Variants in LRRFIP2 observed in about 807,000 individuals in gnomAD.
LRRFIP2 encodes leucine-rich repeat flightless-interacting protein 2.
Under a neutral mutation model 125.9 loss-of-function variants are expected in LRRFIP2, and 109 were observed. The ratio of observed to expected loss-of-function variants is 0.87; its 90% CI spans 0.74 to 1.01. The LOEUF (loss-of-function observed/expected upper bound fraction) is 1.01. LRRFIP2 is among the 50% of genes least tolerant of loss of function. The pLI is 0.00. For missense variants in LRRFIP2, 850 were observed against 862.3 expected, an observed-to-expected ratio of 0.99 and a Z score of 0.18; for synonymous variants, 291 against 293.1, an observed-to-expected ratio of 0.99 and a Z score of 0.07.
Position 37,107,819 on chromosome 3 carries a change from T to G in LRRFIP2, c.714+254A>C, listed in dbSNP as rs569874768. On this transcript the variant is annotated intron_variant, in intron 13 of 27. Transcript: ENST00000336686. ...ACAAGAAGTTCTACACAAATGAAAA[T>G]TAAATATAAAAACTTTAAAAATTCT... Among the ~76,000 whole-genome samples, 3 of 152,194 alleles carry G rather than the reference T, an allele frequency of 2.0e-5. No homozygotes were observed. The South Asian group carries it at 6.2e-4, about 32-fold the overall frequency.
chr3:37,072,284 T>A (rs2091331938), intron 21 of LRRFIP2, among the ~76,000 whole-genome samples: 1 of 152,040 alleles, frequency 6.6e-6, no homozygotes, highest in South Asian at 2.1e-4. Flanking sequence ...GTGGATTACC[T>A]GAGGTCAGGA....
chr3:37,073,806 T>C (rs978106678), intron 20 of LRRFIP2, among the ~76,000 whole-genome samples: 3 of 143,198 alleles, frequency 2.1e-5, no homozygotes, highest in Non-Finnish European at 4.8e-5. Context: ...ACTTAAGCTA[T>C]TGAATTTGAG....
intron 2 of LRRFIP2, among the ~76,000 whole-genome samples, chr3:37,131,988 AC>A (rs765240394): frequency 1.3e-5 from 2 of 152,156 alleles, no homozygotes; most frequent in Non-Finnish European, 2.9e-5. Context: ...TAATCTACCA[AC>A]CGTAAGCTGT....
rs1023729778 is a variant in LRRFIP2, at chr3:37,154,136, A to C, written c.-55-5098T>G. Among the ~76,000 whole-genome samples the C allele has an allele frequency of 5.3e-5, 8 of 152,204 alleles. No homozygotes were observed. The South Asian group carries it at 1.7e-3, about 32-fold the overall frequency. On this transcript the variant is annotated intron_variant, in intron 1 of 27. Coordinates refer to ENST00000336686, the MANE Select transcript of LRRFIP2 (RefSeq NM_006309.4). ...GGTTACGGTGAGCCGTGATAATACCACTGCACTCCAGCCTGGGTGACAGAG... is the reference window on the plus strand; with the variant it reads ...GGTTACGGTGAGCCGTGATAATACCCCTGCACTCCAGCCTGGGTGACAGAG...
At chr3:37,138,995 A>AT (rs1196438163) in intron 2 of LRRFIP2, among the ~76,000 whole-genome samples, 1 of 152,232 alleles carries the variant, frequency 6.6e-6, no homozygotes, top group Non-Finnish European at 1.5e-5. Flanking sequence ...ATGTGATACC[A>AT]TGACAGTCAA....
chr3:37,072,211 T>C (rs1181526974), intron 21 of LRRFIP2, among the ~76,000 whole-genome samples: 1 of 152,104 alleles, frequency 6.6e-6, no homozygotes, highest in Non-Finnish European at 1.5e-5. Context: ...GATAAGAATC[T>C]GAAGGGAGGC....
chr3:37,144,678 G>C (rs1262529472), intron 2 of LRRFIP2, among the ~76,000 whole-genome samples: 1 of 152,170 alleles, frequency 6.6e-6, no homozygotes, highest in Non-Finnish European at 1.5e-5. Context: ...TCACAGTGTT[G>C]ATGGTGCTAA....
At chr3:37,129,269 T>C in intron 2 of LRRFIP2, 120 bp from the exon 3 acceptor site, 2 of 743,414 alleles carry the variant, frequency 2.7e-6, no homozygotes. Flanking sequence ...GAAGATATTA[T>C]CTATCAGCAA....
intron 15 of LRRFIP2, among the ~76,000 whole-genome samples, chr3:37,100,421 T>C (rs2093973811): frequency 7.1e-6 from 1 of 141,454 alleles, no homozygotes; most frequent in Non-Finnish European, 1.6e-5. Context: ...TACATATACA[T>C]ACATATATGT....
chr3:37,060,057 C>T lies in LRRFIP2; in HGVS notation c.1750-1147G>A, dbSNP rs1423038136. 6.6e-6 allele frequency among the ~76,000 whole-genome samples: 1 copy of T among 152,150 alleles called. No individual in the cohort carries two copies. The highest frequency in any genetic ancestry group is 1.5e-5 in the Non-Finnish European group (1 of 68,028). On this transcript the variant is annotated intron_variant, in intron 24 of 27. Coordinates refer to ENST00000336686, the MANE Select transcript of LRRFIP2 (RefSeq NM_006309.4). The surrounding 1 kb of genome is among the most constrained non-coding windows in gnomAD (Gnocchi z 4.1). ...CTCCATCATTCCTATTTATGTGCATCTCACAAAGGGTCATATCCTTCCTCT... is the reference window on the plus strand; with the variant it reads ...CTCCATCATTCCTATTTATGTGCATTTCACAAAGGGTCATATCCTTCCTCT...
chr3:37,129,240 G>T, intron 2 of LRRFIP2, 91 bp from the exon 3 acceptor site: 1 of 1,046,942 alleles, frequency 9.6e-7, no homozygotes, highest in Non-Finnish European at 1.5e-6. Flanking sequence ...ACATTACCAC[G>T]CAAAAGGGGT....
intron 15 of LRRFIP2, among the ~76,000 whole-genome samples, chr3:37,098,257 A>G (rs942830743): frequency 5.9e-5 from 9 of 151,890 alleles, no homozygotes; most frequent in African/African-American, 2.2e-4. Context: ...GTTTCAAAGC[A>G]GGTAATGACA....
chr3:37,055,035 T>G, intron 26 of LRRFIP2, 51 bp downstream of exon 26: 1 of 1,226,808 alleles, frequency 8.2e-7, no homozygotes, highest in Non-Finnish European at 1.2e-6. Flanking sequence ...GTTAGCCACT[T>G]AGATGCAGGA....
intron 21 of LRRFIP2, among the ~76,000 whole-genome samples, chr3:37,071,013 A>T (rs1219184085): frequency 6.6e-6 from 1 of 152,186 alleles, no homozygotes; most frequent in Admixed American, 6.5e-5. Flanking sequence ...CCCAAGCAAA[A>T]ATTTAAATCA....
intron 27 of LRRFIP2, among the ~76,000 whole-genome samples, 162 bp downstream of exon 27, chr3:37,054,249 T>C (rs1380530809): frequency 6.6e-6 from 1 of 152,164 alleles, no homozygotes; most frequent in Non-Finnish European, 1.5e-5. Context: ...AACATAAAAG[T>C]AAATGGCAGT....
At chr3:37,134,952 C>T in intron 2 of LRRFIP2, 12 of 1,465,936 alleles carry the variant, frequency 8.2e-6, no homozygotes, top group Non-Finnish European at 1.1e-5. Context: ...TGCTTTAAAA[C>T]TATTTCTAAA....
intron 1 of LRRFIP2, among the ~76,000 whole-genome samples, chr3:37,152,380 G>A (rs1288038369): frequency 6.6e-6 from 1 of 152,066 alleles, no homozygotes; most frequent in African/African-American, 2.4e-5. Flanking sequence ...TAAAATCTCA[G>A]AAATCACCAC....
intron 2 of LRRFIP2, among the ~76,000 whole-genome samples, chr3:37,132,743 ATATTTTAAAATTATTTTT>A (rs2095459714): frequency 6.6e-6 from 1 of 152,240 alleles, no homozygotes; most frequent in South Asian, 2.1e-4. Flanking sequence ...TTATTGTGAT[ATATTTTAAAATTATTTTT>A]GAATAGACAA....
intron 18 of LRRFIP2, among the ~76,000 whole-genome samples, chr3:37,089,221 G>A (rs922838901): frequency 1.1e-4 from 17 of 151,884 alleles, no homozygotes; most frequent in Non-Finnish European, 2.1e-4. Context: ...TTACAAAATC[G>A]TTAATCTTTC....
Sources: gnomAD v4.1 joint callset for allele counts (sites outside exome capture counted in the v4.1 genomes callset) on GRCh38, gnomAD v4.1.1 for gene constraint, Gnocchi (gnomAD v3.1) non-coding constraint, MANE v1.5 for transcripts, NCBI Gene and HGNC (gene_info 2026-07-23, HGNC 2026-07-21) for gene names.